The following SLTM variants were observed in gnomAD, a reference collection of about 807,000 sequenced individuals.
The protein encoded by SLTM is SAFB-like transcription modulator.
SLTM carries 43 observed loss-of-function variants against 134.6 expected under a neutral mutation model. That is an observed-to-expected ratio of 0.32 (90% confidence interval 0.25 to 0.41). The LOEUF (loss-of-function observed/expected upper bound fraction) is 0.41, where lower values mean the gene tolerates loss of function less well. Ranked by LOEUF, SLTM falls within the 10% of genes least tolerant of loss-of-function variation. SLTM has a pLI of 1.00. For missense variants in SLTM, 1,055 were observed against 1,288.8 expected (o/e 0.82, Z 2.78); for synonymous variants, 424 against 432.3 (o/e 0.98, Z 0.24).
chr15:58,926,716 G>A (rs1453354781), intron 2 of SLTM, among the ~76,000 whole-genome samples: 1 of 151,114 alleles, frequency 6.6e-6, no homozygotes, highest in Non-Finnish European at 1.5e-5. Flanking sequence ...CCAAGTTCAA[G>A]TGATTCTCCT....
chr15:58,880,422 G>A (rs544888159), intron 20 of SLTM, among the ~76,000 whole-genome samples: 1 of 152,296 alleles, frequency 6.6e-6, no homozygotes, highest in African/African-American at 2.4e-5. Flanking sequence ...TCTCTTAAGT[G>A]TGGACCCCAA....
intron 2 of SLTM, 122 bp from the exon 3 acceptor site, chr15:58,917,121 A>G (rs1161413949): frequency 1.9e-5 from 17 of 881,302 alleles, no homozygotes; most frequent in Non-Finnish European, 5.3e-6. Flanking sequence ...GCTAATGTCA[A>G]CTGCTTCTAA....
rs2033544678 is a variant in SLTM, at chr15:58,879,724, CA to C, written c.*274del. On this transcript the variant is annotated 3_prime_UTR_variant, in exon 21 of 21. Coordinates refer to ENST00000380516, the MANE Select transcript of SLTM (RefSeq NM_024755.4). ...AGCTGCAAACTACTCTTTATATTCA[CA>C]CAGCGTTAAACAAAACGACTTCAAT... The C allele has an allele frequency of 3.5e-6, 1 of 287,454 alleles. No homozygotes were observed. Among genetic ancestry groups the C allele is most frequent in the Non-Finnish European group, 6.5e-6 (1 of 153,342 alleles). The allele number at this position is 287,454 out of a possible 1,614,324, so 17.8% of individuals were successfully genotyped here.
chr15:58,890,221 T>C lies in SLTM; in HGVS notation c.2079+60A>G, dbSNP rs1226966288. ...CAACAAGTAAAGCAAGTTTTAGGGC[T>C]AAAATCACAGAGTCTGAAAAAGGTG... On this transcript the variant is annotated intron_variant, in intron 15 of 20. Transcript: ENST00000380516. 2.5e-6 allele frequency: 4 copies of C among 1,587,382 alleles called. No individual in the cohort carries two copies. The African/African-American group carries it at 5.4e-5, about 22-fold the overall frequency.
At chr15:58,925,401 A>G (rs2037389960) in intron 2 of SLTM, among the ~76,000 whole-genome samples, 1 of 152,168 alleles carries the variant, frequency 6.6e-6, no homozygotes. Flanking sequence ...GCAGTGGCAC[A>G]ATCTCAGCTC....
Position 58,894,004 on chromosome 15 carries a change from A to G in SLTM, c.1482-17T>C, listed in dbSNP as rs1310702835. 8 of 1,602,344 alleles carry G rather than the reference A, an allele frequency of 5.0e-6. No homozygotes were observed. The South Asian group carries it at 9.1e-5, about 18-fold the overall frequency. On this transcript the variant is annotated splice_polypyrimidine_tract_variant and intron_variant, in intron 11 of 20. Transcript: ENST00000380516. Reference sequence around the variant, plus strand: ...GCTTGTGTCCTGACCATACCGCCCCAGACAAAAAAACAGAATGAGTACTTC... The same window carrying G: ...GCTTGTGTCCTGACCATACCGCCCCGGACAAAAAAACAGAATGAGTACTTC...
intron 19 of SLTM, among the ~76,000 whole-genome samples, chr15:58,884,068 C>T (rs2033971726): frequency 6.7e-6 from 1 of 149,840 alleles, no homozygotes; most frequent in Non-Finnish European, 1.5e-5. Context: ...CATTGCACTC[C>T]AGCTTGGGCA....
chr15:58,924,341 G>GA (rs1306003791), intron 2 of SLTM, among the ~76,000 whole-genome samples: 1 of 152,128 alleles, frequency 6.6e-6, no homozygotes, highest in Non-Finnish European at 1.5e-5. Flanking sequence ...ATATACCAGA[G>GA]AAAGACAAGA....
intron 2 of SLTM, among the ~76,000 whole-genome samples, chr15:58,930,739 A>G (rs1300659918): frequency 1.3e-5 from 2 of 148,352 alleles, no homozygotes; most frequent in African/African-American, 2.5e-5. Flanking sequence ...TATATGATAT[A>G]TATACACCTA....
intron 2 of SLTM, among the ~76,000 whole-genome samples, chr15:58,920,816 G>A (rs555985325): frequency 1.3e-5 from 2 of 150,916 alleles, no homozygotes; most frequent in South Asian, 4.2e-4. Flanking sequence ...TTAGCCGGGT[G>A]TGGTGATGGG....
chr15:58,908,002 C>CGTGTGTGT (rs140029214), intron 5 of SLTM, among the ~76,000 whole-genome samples: 25,800 of 139,734 alleles, frequency 0.18, 2,481 homozygotes, highest in East Asian at 0.24. Context: ...AAACATGCTG[C>CGTGTGTGT]GTGTGTGTGT....
At chr15:58,892,023 A>C (rs1215889759) in intron 14 of SLTM, among the ~76,000 whole-genome samples, 2 of 152,226 alleles carry the variant, frequency 1.3e-5, no homozygotes, top group Non-Finnish European at 2.9e-5. Context: ...TCTATGTGCT[A>C]CAAGGATTAC....
At chr15:58,890,826 T>C (rs190180532) in intron 14 of SLTM, among the ~76,000 whole-genome samples, 3 of 152,330 alleles carry the variant, frequency 2.0e-5, no homozygotes, top group Admixed American at 1.3e-4. Flanking sequence ...TTGTTTTTGA[T>C]GGAAAAAGCT....
chr15:58,888,475 G>C lies in SLTM; in HGVS notation c.2285C>G (p.Ser762Cys). 5.0e-6 allele frequency: 8 copies of C among 1,614,062 alleles called. No homozygotes were observed. Among genetic ancestry groups the C allele is most frequent in the African/African-American group, 2.7e-5 (2 of 75,020 alleles). Residue 762 changes from serine (S) to cysteine (C), a missense_variant, in exon 17 of 21, where the codon TCT (serine) becomes TGT (cysteine). Coordinates refer to ENST00000380516, the MANE Select transcript of SLTM (RefSeq NM_024755.4). ...GTCATTAAATCTGTTCTGTTGGCGA[G>C]AGTAGTCGGATCCATGGCCAAATCG... is the stretch of plus-strand genomic sequence containing the variant. ...DARFGHGSDY[S>C]RQQNRFNDFD...
chr15:58,896,018 A>G (rs1021200270), intron 9 of SLTM, among the ~76,000 whole-genome samples: 3 of 152,262 alleles, frequency 2.0e-5, no homozygotes, highest in African/African-American at 7.2e-5. Context: ...ACTGGAGTAC[A>G]TTAACTATTT....
intron 15 of SLTM, 130 bp downstream of exon 15, chr15:58,890,151 G>A: frequency 1.0e-6 from 1 of 976,790 alleles, no homozygotes. Context: ...ATCTTTCAGG[G>A]ACACTTAAAA....
At chr15:58,911,846 T>G (rs1227646563) in intron 5 of SLTM, among the ~76,000 whole-genome samples, 1 of 152,164 alleles carries the variant, frequency 6.6e-6, no homozygotes, top group African/African-American at 2.4e-5. Flanking sequence ...ATTTTTAGAC[T>G]ATGCCTGTTG....
In SLTM at chr15:58,889,413, A is replaced by C. The variant is rs1157341487; in HGVS notation, c.2204+17T>G. 1 of 1,613,118 alleles carries C rather than the reference A, an allele frequency of 6.2e-7. No individual in the cohort carries two copies. Among genetic ancestry groups the C allele is most frequent in the Non-Finnish European group, 8.5e-7 (1 of 1,179,402 alleles). ...AAACAGCAAGGTTAACTGTTAAGGA[A>C]TAAAATGAGTAACTACCTATGATCT... On this transcript the variant is annotated intron_variant, in intron 16 of 20. Transcript: ENST00000380516.
chr15:58,920,898 T>C (rs1461803003), intron 2 of SLTM, among the ~76,000 whole-genome samples: 2 of 152,076 alleles, frequency 1.3e-5, no homozygotes, highest in East Asian at 3.9e-4. Flanking sequence ...AAGGTTGCAG[T>C]GAGCCGAGAT....
Sources: allele counts gnomAD v4.1 joint callset (sites outside exome capture counted in the v4.1 genomes callset), GRCh38; gene constraint gnomAD v4.1.1; transcripts MANE v1.5; gene names NCBI Gene and HGNC (gene_info 2026-07-23, HGNC 2026-07-21).